The following TPRG1 variants were observed in gnomAD, a reference collection of about 807,000 sequenced individuals.
The protein encoded by TPRG1 is tumor protein p63 regulated 1.
TPRG1 carries 29 observed loss-of-function variants against 29.3 expected under a neutral mutation model. The ratio of observed to expected loss-of-function variants is 0.99; its 90% CI spans 0.74 to 1.35. The LOEUF is 1.35. Ranked by LOEUF, TPRG1 falls within the 40% of genes most tolerant of loss-of-function variation. The probability of loss-of-function intolerance (pLI) is 0.00; values close to 1 mark genes in which losing one functional copy is unlikely to be tolerated. For synonymous variants in TPRG1, 130 were observed against 116.8 expected (o/e 1.11, Z -0.73); for missense variants, 327 against 335.0 (o/e 0.98, Z 0.19).
chr3:189,232,806 A>T (rs888434066), intron 3 of TPRG1, among the ~76,000 whole-genome samples: 1 of 152,196 alleles, frequency 6.6e-6, no homozygotes, highest in African/African-American at 2.4e-5. Context: ...GAGGAACCAA[A>T]TGACTGAAAG....
At chr3:189,010,844 T>C (rs1160200370) in intron 3 of TPRG1, among the ~76,000 whole-genome samples, 2 of 152,214 alleles carry the variant, frequency 1.3e-5, no homozygotes, top group East Asian at 3.8e-4. Flanking sequence ...CCCATGCCTA[T>C]GTCTTGAATG....
chr3:189,316,613 G>A (rs533744983), intron 5 of TPRG1, among the ~76,000 whole-genome samples: 8 of 152,246 alleles, frequency 5.3e-5, no homozygotes, highest in East Asian at 1.9e-4. Context: ...CCAGGCACTC[G>A]GCTGGTAAAT....
At chr3:189,308,398 G>T (rs903211791) in intron 4 of TPRG1, among the ~76,000 whole-genome samples, 1 of 152,174 alleles carries the variant, frequency 6.6e-6, no homozygotes, top group Non-Finnish European at 1.5e-5. Flanking sequence ...CTCCACGATT[G>T]TTCTAATGGT....
chr3:189,125,301 C>T (rs1349289516), intron 1 of TPRG1, among the ~76,000 whole-genome samples: 2 of 152,170 alleles, frequency 1.3e-5, no homozygotes, highest in African/African-American at 2.4e-5. Context: ...TCAGTATTCT[C>T]AGGTGTCAAA....
chr3:189,133,696 A>G (rs1467415607), intron 3 of TPRG1, among the ~76,000 whole-genome samples: 1 of 152,208 alleles, frequency 6.6e-6, no homozygotes, highest in Non-Finnish European at 1.5e-5. Flanking sequence ...AGTCTCAGGC[A>G]GTATCTTTAT....
At chr3:189,063,300 A>C (rs555233172) in intron 4 of TPRG1, among the ~76,000 whole-genome samples, 72 of 152,254 alleles carry the variant, frequency 4.7e-4, no homozygotes, top group Middle Eastern at 3.4e-3. Flanking sequence ...GTAAATCTAC[A>C]GTTATAATTC....
intron 1 of TPRG1, among the ~76,000 whole-genome samples, chr3:189,176,030 G>A (rs548435645): frequency 6.6e-6 from 1 of 152,150 alleles, no homozygotes; most frequent in African/African-American, 2.4e-5. Flanking sequence ...GTAAATATAT[G>A]CATGCTCCAC....
intron 3 of TPRG1, among the ~76,000 whole-genome samples, chr3:189,140,197 G>A (rs1299865397): frequency 6.6e-6 from 1 of 152,128 alleles, no homozygotes; most frequent in African/African-American, 2.4e-5. Flanking sequence ...GTTTTCTCTT[G>A]GTATCTCAAT....
chr3:189,014,128 G>A (rs1226412494), intron 3 of TPRG1, among the ~76,000 whole-genome samples: 1 of 152,114 alleles, frequency 6.6e-6, no homozygotes, highest in South Asian at 2.1e-4. Flanking sequence ...GTGTGTTTTT[G>A]TAATGGCTGC....
intron 5 of TPRG1, among the ~76,000 whole-genome samples, chr3:189,154,103 T>C (rs922555098): frequency 5.9e-5 from 9 of 152,328 alleles, no homozygotes; most frequent in Admixed American, 2.0e-4. Flanking sequence ...ATGAGGCAGC[T>C]GCTTTTTTCT....
At chr3:189,290,407 G>A (rs74468217) in intron 4 of TPRG1, among the ~76,000 whole-genome samples, 2,682 of 152,264 alleles carry the variant, frequency 0.018, 84 homozygotes, top group African/African-American at 0.061. Flanking sequence ...ACATTTCAGC[G>A]ATGAATCGAT....
At chr3:189,239,713 C>T (rs1353162622) in intron 4 of TPRG1, among the ~76,000 whole-genome samples, 2 of 152,112 alleles carry the variant, frequency 1.3e-5, no homozygotes, top group African/African-American at 4.8e-5. Context: ...CTGTAAAGCT[C>T]AGTGGATAGA....
At position 189,320,642 on chromosome 3, in the gene TPRG1, C is replaced by T; in HGVS notation, c.650C>T (p.Ser217Phe). The change falls in exon 6 of 6, where the codon TCT becomes TTT. Residue 217 changes from serine to phenylalanine, a missense_variant. Transcript: ENST00000345063. ...CTTCTTCAGTTGTCTGGGTTCATGT[C>T]TAAGCTTGTTCCAGCTATCCAGAAT... is the stretch of plus-strand genomic sequence containing the variant. ...LEICKLSGFM[S>F]KLVPAIQNAH... 1 of 1,609,810 alleles carries T rather than the reference C, an allele frequency of 6.2e-7. No homozygotes were observed. The highest frequency in any genetic ancestry group is 8.5e-7 in the Non-Finnish European group (1 of 1,178,136).
intron 4 of TPRG1, among the ~76,000 whole-genome samples, chr3:189,304,880 C>T (rs548293530): frequency 2.6e-5 from 4 of 152,232 alleles, no homozygotes; most frequent in South Asian, 2.1e-4. Context: ...ATCGCCCGCC[C>T]GCCTCCTCCC....
At chr3:189,042,030 G>C (rs773320696) in intron 4 of TPRG1, among the ~76,000 whole-genome samples, 1 of 152,054 alleles carries the variant, frequency 6.6e-6, no homozygotes, top group African/African-American at 2.4e-5. Context: ...GCCAATGTTA[G>C]CAGCTTGTTT....
At chr3:189,224,497 C>CAAA (rs968594942) in intron 3 of TPRG1, among the ~76,000 whole-genome samples, 4 of 150,264 alleles carry the variant, frequency 2.7e-5, no homozygotes, top group South Asian at 2.1e-4. Context: ...ACAACAACAA[C>CAAA]AAAAAAACAA....
chr3:189,265,149 A>G (rs1440261228), intron 4 of TPRG1, among the ~76,000 whole-genome samples: 4 of 152,224 alleles, frequency 2.6e-5, no homozygotes, highest in Non-Finnish European at 5.9e-5. Flanking sequence ...TGATTTGTAT[A>G]TGAATAAGGA....
intron 3 of TPRG1, among the ~76,000 whole-genome samples, chr3:189,012,983 C>T (rs774072091): frequency 2.0e-5 from 3 of 151,888 alleles, no homozygotes; most frequent in Admixed American, 6.6e-5. Context: ...CATATCTCTA[C>T]GAAGGAGATA....
chr3:189,290,703 G>A (rs761777654), intron 4 of TPRG1, among the ~76,000 whole-genome samples: 10 of 152,168 alleles, frequency 6.6e-5, no homozygotes, highest in Non-Finnish European at 1.2e-4. Flanking sequence ...AGAAGAAGAC[G>A]TTTAGGAGAG....
Sources: gnomAD v4.1 joint callset for allele counts (sites outside exome capture counted in the v4.1 genomes callset) on GRCh38, gnomAD v4.1.1 for gene constraint, MANE v1.5 for transcripts, NCBI Gene and HGNC (gene_info 2026-07-23, HGNC 2026-07-21) for gene names.